LRRC4C: variants seen among roughly 807,000 people sequenced by gnomAD.
The protein encoded by LRRC4C is leucine rich repeat containing 4C.
LRRC4C carries 5 observed loss-of-function variants against 33.6 expected under a neutral mutation model. That is an observed-to-expected ratio of 0.15 (90% CI 0.08 to 0.31). LRRC4C has a LOEUF of 0.31. LRRC4C is among the 10% of genes least tolerant of loss of function. The pLI is 1.00. For synonymous variants in LRRC4C, 329 were observed against 302.0 expected, an observed-to-expected ratio of 1.09 and a Z score of -0.93; for missense variants, 560 against 796.7, an observed-to-expected ratio of 0.70 and a Z score of 3.58.
intron 3 of LRRC4C, among the ~76,000 whole-genome samples, chr11:40,563,567 C>T (rs754423590): frequency 8.5e-5 from 13 of 152,074 alleles, no homozygotes; most frequent in Non-Finnish European, 1.5e-4. Context: ...GATGCTTCTT[C>T]GGTATTATTT....
At chr11:40,276,186 G>T (rs951333628) in intron 4 of LRRC4C, among the ~76,000 whole-genome samples, 1 of 152,076 alleles carries the variant, frequency 6.6e-6, no homozygotes, top group African/African-American at 2.4e-5. Flanking sequence ...ATAAAGATGG[G>T]CTGGAAAGAG....
chr11:40,354,395 G>C (rs1947559708), intron 3 of LRRC4C, among the ~76,000 whole-genome samples: 1 of 152,110 alleles, frequency 6.6e-6, no homozygotes, highest in African/African-American at 2.4e-5. Context: ...GGCAAATCCA[G>C]GCAGGCTTAT....
chr11:40,308,508 A>G lies in LRRC4C; in HGVS notation c.-176+11120T>C, dbSNP rs183153182. ...GGTATGATTAAGTCACAAATTTTGA[A>G]ATGGGAGATTATCCTGGATGACCTG... On this transcript the variant is annotated intron_variant, in intron 4 of 6. Coordinates refer to ENST00000528697, the MANE Select transcript of LRRC4C (RefSeq NM_001258419.2). 5.9e-5 allele frequency among the ~76,000 whole-genome samples: 9 copies of G among 152,310 alleles called. No individual in the cohort carries two copies. In the East Asian group the frequency reaches 1.5e-3, roughly 26 times the overall value.
chr11:40,353,118 T>C (rs1266299557), intron 3 of LRRC4C, among the ~76,000 whole-genome samples: 1 of 152,198 alleles, frequency 6.6e-6, no homozygotes, highest in African/African-American at 2.4e-5. Flanking sequence ...ATTAATATCT[T>C]TCTCTAGGTA....
chr11:40,815,570 T>C (rs1267763607), intron 2 of LRRC4C, among the ~76,000 whole-genome samples: 1 of 152,196 alleles, frequency 6.6e-6, no homozygotes, highest in Admixed American at 6.5e-5. Flanking sequence ...AGTCACCTTA[T>C]TCTACCACCC....
intron 6 of LRRC4C, among the ~76,000 whole-genome samples, chr11:40,127,197 A>C (rs1321826986): frequency 1.3e-5 from 2 of 152,118 alleles, no homozygotes; most frequent in Non-Finnish European, 2.9e-5. Context: ...AAATCGCTTG[A>C]ACCGGGAGGC....
rs566017241 is a variant in LRRC4C at position 40,970,830 on chromosome 11, A to G, written c.-495-37107T>C. Among the ~76,000 whole-genome samples, 3 of 152,322 alleles carry G rather than the reference A, an allele frequency of 2.0e-5. No homozygotes were observed. In the East Asian group the frequency reaches 5.8e-4, roughly 29 times the overall value. On this transcript the variant is annotated intron_variant, in intron 1 of 6. Coordinates refer to ENST00000528697, the MANE Select transcript of LRRC4C (RefSeq NM_001258419.2). ...AACTGGAGTAAAGGTCACTTTTGCT[A>G]TGCTTTAGCAAAGGGTTTAGCTGTT...
In LRRC4C at chr11:40,177,734, A is replaced by C. The variant is rs146966960; in HGVS notation, c.-95-36881T>G. Among the ~76,000 whole-genome samples, 178 of 152,290 alleles carry C rather than the reference A, an allele frequency of 1.2e-3. 1 individual carries two copies. The highest frequency in any genetic ancestry group is 4.1e-3 in the African/African-American group (170 of 41,568). On this transcript the variant is annotated intron_variant, in intron 5 of 6. Coordinates refer to ENST00000528697, the MANE Select transcript of LRRC4C (RefSeq NM_001258419.2). ...CATTTTTCCGTTGTTGTTATTATAC[A>C]GCACTTGTCTCATTGAACCATATTT...
intron 1 of LRRC4C, among the ~76,000 whole-genome samples, chr11:41,103,877 G>T (rs186362205): frequency 1.3e-3 from 193 of 152,022 alleles, no homozygotes; most frequent in African/African-American, 4.4e-3. Context: ...CAATTTAATA[G>T]TGAAAGGATA....
At chr11:40,401,153 A>G (rs542731190) in intron 3 of LRRC4C, among the ~76,000 whole-genome samples, 1 of 146,020 alleles carries the variant, frequency 6.8e-6, no homozygotes, top group South Asian at 2.3e-4. Context: ...GTGAGCAGGA[A>G]TAGGCTTAAT....
chr11:40,668,380 C>T (rs564881059), intron 2 of LRRC4C, among the ~76,000 whole-genome samples: 1 of 152,242 alleles, frequency 6.6e-6, no homozygotes, highest in Non-Finnish European at 1.5e-5. Flanking sequence ...TGGTCATTTG[C>T]TTTCCTTCTT....
intron 1 of LRRC4C, among the ~76,000 whole-genome samples, chr11:41,421,121 G>T (rs1336919733): frequency 6.6e-6 from 1 of 151,894 alleles, no homozygotes; most frequent in African/African-American, 2.4e-5. Context: ...CATTCTACAG[G>T]ATTAGAATTT....
At position 40,115,749 on chromosome 11, in the gene LRRC4C, AT is replaced by A. The variant is rs1417272823; in HGVS notation, c.543del (p.Glu181AspfsTer2). The A allele has an allele frequency of 6.2e-7, 1 of 1,614,218 alleles. No homozygotes were observed. Among genetic ancestry groups the A allele is most frequent in the Admixed American group, 1.7e-5 (1 of 60,022 alleles). On this transcript the variant is annotated frameshift_variant, in exon 7 of 7. Coordinates refer to ENST00000528697, the MANE Select transcript of LRRC4C (RefSeq NM_001258419.2). LOFTEE classifies it high-confidence loss of function. This position sits in a 1 kb window ranked among gnomAD's most constrained non-coding sequence, Gnocchi z 6.7. ...TCTGAGATGTATGAAAGTCTTTTCA[AT>A]TCCCCTAAGTCTAGTCGGCGCAAAG... The part of the protein sequence containing the change: ...IPSLRRLDLG[E>X]LKRLSYISEG...
chr11:41,014,307 C>G (rs1015409932), intron 1 of LRRC4C, among the ~76,000 whole-genome samples: 4 of 152,018 alleles, frequency 2.6e-5, no homozygotes, highest in African/African-American at 9.7e-5. Context: ...AAGTAAATTT[C>G]TCAAGGTTAT....
chr11:41,190,972 G>A (rs1341688427), intron 1 of LRRC4C, among the ~76,000 whole-genome samples: 1 of 152,182 alleles, frequency 6.6e-6, no homozygotes, highest in Non-Finnish European at 1.5e-5. Context: ...ATGATGAAGT[G>A]TGATAGCATC....
At chr11:40,679,753 C>G (rs1261684422) in intron 2 of LRRC4C, among the ~76,000 whole-genome samples, 2 of 152,080 alleles carry the variant, frequency 1.3e-5, no homozygotes, top group Non-Finnish European at 2.9e-5. Flanking sequence ...GCCTGGATGC[C>G]CAGGCAAAAG....
chr11:41,233,242 A>C (rs1421622213), intron 1 of LRRC4C, among the ~76,000 whole-genome samples: 1 of 152,060 alleles, frequency 6.6e-6, no homozygotes. Context: ...AGAAAGTTCA[A>C]GTGAAAATGG....
intron 1 of LRRC4C, among the ~76,000 whole-genome samples, chr11:41,200,525 A>C (rs1005445207): frequency 6.6e-6 from 1 of 151,756 alleles, no homozygotes; most frequent in African/African-American, 2.4e-5. Flanking sequence ...TTTTTTTTTA[A>C]ATTTTAATTT....
intron 2 of LRRC4C, among the ~76,000 whole-genome samples, chr11:40,901,698 G>A (rs1956207306): frequency 6.6e-6 from 1 of 151,938 alleles, no homozygotes; most frequent in South Asian, 2.1e-4. Context: ...TAGATAGGAA[G>A]CAATACAATT....
Sources: gnomAD v4.1 joint callset for allele counts (sites outside exome capture counted in the v4.1 genomes callset) on GRCh38, gnomAD v4.1.1 for gene constraint, Gnocchi (gnomAD v3.1) non-coding constraint, MANE v1.5 for transcripts, NCBI Gene and HGNC (gene_info 2026-07-23, HGNC 2026-07-21) for gene names.